The following GP2 variants were observed in gnomAD, a reference collection of about 807,000 sequenced individuals.
GP2 encodes glycoprotein 2, also known as pancreatic secretory granule membrane major glycoprotein GP2.
Under a neutral mutation model 60.8 loss-of-function variants are expected in GP2, and 58 were observed. That is an observed-to-expected ratio of 0.95 (90% confidence interval 0.77 to 1.19). GP2 has a LOEUF of 1.19. Ranked by LOEUF, GP2 falls within the 50% of genes most tolerant of loss-of-function variation. The probability of loss-of-function intolerance (pLI) is 0.00; values close to 1 mark genes in which losing one functional copy is unlikely to be tolerated. For missense variants in GP2, 647 were observed against 667.4 expected, an observed-to-expected ratio of 0.97 and a Z score of 0.34; for synonymous variants, 280 against 253.4, an observed-to-expected ratio of 1.10 and a Z score of -1.00.
chr16:20,312,458 G>T (rs1964017450), intron 10 of GP2, among the ~76,000 whole-genome samples: 1 of 152,164 alleles, frequency 6.6e-6, no homozygotes, highest in Admixed American at 6.5e-5. Context: ...AAAACCACAA[G>T]TGCCCTCTTG....
chr16:20,323,658 G>A, intron 3 of GP2, 158 bp downstream of exon 3: 1 of 615,836 alleles, frequency 1.6e-6, no homozygotes, highest in East Asian at 2.7e-5. Flanking sequence ...ATGTTGGAAG[G>A]TCTCAACCCC....
At chr16:20,324,406 C>T in intron 2 of GP2, 150 bp from the exon 3 acceptor site, 1 of 609,648 alleles carries the variant, frequency 1.6e-6, no homozygotes, top group South Asian at 2.1e-5. Flanking sequence ...ACTTCATCAC[C>T]TTGGGGGCAG....
intron 2 of GP2, 70 bp from the exon 3 acceptor site, chr16:20,324,326 A>C: frequency 9.7e-7 from 1 of 1,027,994 alleles, no homozygotes; most frequent in South Asian, 1.5e-5. Context: ...TTTCCCCTCC[A>C]TGCTCTATTT....
At chr16:20,323,491 C>G in intron 3 of GP2, 1 of 616,794 alleles carries the variant, frequency 1.6e-6, no homozygotes, top group South Asian at 1.8e-5. Flanking sequence ...CTGTACCCCC[C>G]CCCCCTTTTT....
Position 20,315,988 on chromosome 16 carries a change from C to T in GP2, c.1469G>A (p.Arg490Gln), listed in dbSNP as rs770032956. Residue 490 changes from arginine to glutamine, a missense_variant, in exon 9 of 11, where the codon CGG becomes CAG. Arg to Gln is a conservative substitution (Grantham distance 43). Transcript: ENST00000302555. ...RSEVPAIDLA[R>Q]VLDLGPITRR... ...AGTGATGGGCCCCAAATCTAGAACC[C>T]GGGCTAGGTCGATGGCCGGTACTTC... 28 of 1,613,186 alleles carry T rather than the reference C, an allele frequency of 1.7e-5. No homozygotes were observed. The highest frequency in any genetic ancestry group is 5.0e-5 in the Admixed American group (3 of 59,982).
intron 10 of GP2, 86 bp from the exon 11 acceptor site, chr16:20,311,367 C>T (rs1310371579): frequency 1.2e-6 from 1 of 817,308 alleles, no homozygotes; most frequent in South Asian, 1.4e-5. Flanking sequence ...TTTCACAACA[C>T]AAGGATGAGA....
Position 20,320,247 on chromosome 16 carries a change from G to GTGA in GP2, c.858+12_858+14dup, listed in dbSNP as rs1318931398. 1 of 1,588,170 alleles carries GTGA rather than the reference G, an allele frequency of 6.3e-7. No homozygotes were observed. The highest frequency in any genetic ancestry group is 1.3e-5 in the African/African-American group (1 of 74,370). On this transcript the variant is annotated intron_variant, in intron 5 of 10. Transcript: ENST00000302555. Reference sequence around the variant, plus strand: ...ACACATACCTTCTGGCAGCAGTGGTGTGAAAGCCACTTACCTCCAGAATGT... The same window carrying GTGA: ...ACACATACCTTCTGGCAGCAGTGGTGTGATGAAAGCCACTTACCTCCAGAATGT...
In GP2 at chr16:20,309,858, G is replaced by A. The variant is rs978165897; in HGVS notation, c.*1365C>T. 2.0e-5 allele frequency: 3 copies of A among 152,038 alleles called. No individual in the cohort carries two copies. Among genetic ancestry groups the A allele is most frequent in the African/African-American group, 7.2e-5 (3 of 41,396 alleles). 9.4% of individuals were successfully genotyped at this position (152,038 alleles called of 1,614,324 possible). On this transcript the variant is annotated 3_prime_UTR_variant, in exon 11 of 11. Transcript: ENST00000302555. ...GCCTGAGAAATTGTGGTGGGTTTCTGTTTCTTGCAACTACACCATCTCTGA... is the reference window on the plus strand; with the variant it reads ...GCCTGAGAAATTGTGGTGGGTTTCTATTTCTTGCAACTACACCATCTCTGA...
chr16:20,313,533 T>G (rs928316986), intron 10 of GP2, among the ~76,000 whole-genome samples: 4 of 152,230 alleles, frequency 2.6e-5, no homozygotes, highest in Non-Finnish European at 4.4e-5. Context: ...CCCTAACATT[T>G]GCACCTCCGA....
rs1478673243 is a variant in GP2 at position 20,311,097 on chromosome 16, C to T, written c.*126G>A. 1.5e-6 allele frequency: 1 copy of T among 657,222 alleles called. No homozygotes were observed. The highest frequency in any genetic ancestry group is 2.8e-6 in the Non-Finnish European group (1 of 360,860). The allele number at this position is 657,222 out of a possible 1,614,324, so 40.7% of individuals were successfully genotyped here. The stretch of plus-strand genomic sequence containing the variant: ...GGTGAAAGCTCTTCCCTTTTCCTAA[C>T]CTAGCTTGGCCTTGATTCTATTAAT... On this transcript the variant is annotated 3_prime_UTR_variant, in exon 11 of 11. Coordinates refer to ENST00000302555, the MANE Select transcript of GP2 (RefSeq NM_001502.4).
rs1182696453 is a variant in GP2 at position 20,324,790 on chromosome 16, C to G, written c.95-534G>C. ...TCTTTTTTTCCACTTGCATTTTTTACTTAATATAACATAGACATTTTTCCA... is the reference window on the plus strand; with the variant it reads ...TCTTTTTTTCCACTTGCATTTTTTAGTTAATATAACATAGACATTTTTCCA... On this transcript the variant is annotated intron_variant, in intron 2 of 10. Coordinates refer to ENST00000302555, the MANE Select transcript of GP2 (RefSeq NM_001502.4). 2.0e-5 allele frequency among the ~76,000 whole-genome samples: 3 copies of G among 152,180 alleles called. No homozygotes were observed. The East Asian group carries it at 5.8e-4, about 29-fold the overall frequency.
chr16:20,324,489 C>T (rs927749196), intron 2 of GP2, among the ~76,000 whole-genome samples: 7 of 152,180 alleles, frequency 4.6e-5, no homozygotes, highest in Non-Finnish European at 8.8e-5. Context: ...TGCACAGCCT[C>T]CCTCCCTGCC....
intron 2 of GP2, among the ~76,000 whole-genome samples, 187 bp from the exon 3 acceptor site, chr16:20,324,443 A>G (rs1964471742): frequency 6.6e-6 from 1 of 152,174 alleles, no homozygotes; most frequent in Non-Finnish European, 1.5e-5. Context: ...CTTCTGTGGT[A>G]TTTTACAGGC....
chr16:20,324,271 G>A lies in GP2; in HGVS notation c.95-15C>T, dbSNP rs370866747. 1 of 1,555,956 alleles carries A rather than the reference G, an allele frequency of 6.4e-7. No individual in the cohort carries two copies. Among genetic ancestry groups the A allele is most frequent in the African/African-American group, 1.4e-5 (1 of 73,602 alleles). On this transcript the variant is annotated splice_polypyrimidine_tract_variant and intron_variant, in intron 2 of 10. Coordinates refer to ENST00000302555, the MANE Select transcript of GP2 (RefSeq NM_001502.4). The stretch of plus-strand genomic sequence containing the variant: ...GTTTCCATAACCTGGGAAAGTGACA[G>A]AGTGCAGTTGGGTTTACTGAGCAAT...
chr16:20,317,462 T>C (rs1964221085), intron 7 of GP2, 87 bp from the exon 8 acceptor site: 2 of 985,952 alleles, frequency 2.0e-6, no homozygotes, highest in African/African-American at 3.2e-5. Context: ...TCCATCATGA[T>C]AACGTGGACT....
Position 20,311,098 on chromosome 16 carries a change from C to T in GP2, c.*125G>A, listed in dbSNP as rs1963981158. 1.5e-6 allele frequency: 1 copy of T among 660,188 alleles called. No individual in the cohort carries two copies. The highest frequency in any genetic ancestry group is 2.4e-5 in the Admixed American group (1 of 41,116). The allele number at this position is 660,188 out of a possible 1,614,324, so 40.9% of individuals were successfully genotyped here. ...GTGAAAGCTCTTCCCTTTTCCTAAC[C>T]TAGCTTGGCCTTGATTCTATTAATA... is the stretch of plus-strand genomic sequence containing the variant. On this transcript the variant is annotated 3_prime_UTR_variant, in exon 11 of 11. Coordinates refer to ENST00000302555, the MANE Select transcript of GP2 (RefSeq NM_001502.4).
At chr16:20,327,265 C>T (rs974639120) in intron 1 of GP2, 4 of 339,864 alleles carry the variant, frequency 1.2e-5, no homozygotes, top group South Asian at 2.4e-5. Flanking sequence ...GGGTGGCGTC[C>T]GTAGGCCTGG....
chr16:20,311,205 A>G lies in GP2; in HGVS notation c.*18T>C. On this transcript the variant is annotated 3_prime_UTR_variant, in exon 11 of 11. Transcript: ENST00000302555. ...AGGGAAGAACACAAACTTCAAGGCC[A>G]GATGCTCAGCGGAGCTCTCAGAACA... 1.3e-6 allele frequency: 2 copies of G among 1,572,270 alleles called. No homozygotes were observed. Among genetic ancestry groups the G allele is most frequent in the South Asian group, 1.1e-5 (1 of 90,270 alleles).
chr16:20,311,279 A>T lies in GP2; in HGVS notation c.1549T>A (p.Phe517Ile). The T allele has an allele frequency of 1.9e-6, 3 of 1,596,790 alleles. No individual in the cohort carries two copies. The highest frequency in any genetic ancestry group is 2.6e-6 in the Non-Finnish European group (3 of 1,164,372). The stretch of plus-strand genomic sequence containing the variant: ...AGGACCATAGGCCAGGCCACCAGGA[A>T]CCCTGAAATACAAGAAATATGACTG... ...VMNGTPSTAG[F>I]LVAWPMVLLT... Residue 517 changes from phenylalanine (F) to isoleucine (I), a missense_variant and splice_region_variant, in exon 11 of 11, where the codon TTC (phenylalanine) becomes ATC (isoleucine). Coordinates refer to ENST00000302555, the MANE Select transcript of GP2 (RefSeq NM_001502.4).
Sources: gnomAD v4.1 joint callset for allele counts (sites outside exome capture counted in the v4.1 genomes callset) on GRCh38, gnomAD v4.1.1 for gene constraint, MANE v1.5 for transcripts, NCBI Gene and HGNC (gene_info 2026-07-23, HGNC 2026-07-21) for gene names.